Variants in COL25A1 observed in about 807,000 individuals in gnomAD.
The protein encoded by COL25A1 is collagen alpha-1(XXV) chain.
Under a neutral mutation model 128.4 loss-of-function variants are expected in COL25A1, and 103 were observed. That is an observed-to-expected ratio of 0.80 (90% CI 0.68 to 0.94). The LOEUF (loss-of-function observed/expected upper bound fraction) is 0.94. Among genes scored for constraint, COL25A1 ranks in the 40% least tolerant of loss-of-function variants. The pLI is 0.00. For missense variants in COL25A1, 745 were observed against 840.0 expected, an observed-to-expected ratio of 0.89 and a Z score of 1.40; for synonymous variants, 279 against 277.2, an observed-to-expected ratio of 1.01 and a Z score of -0.06.
Position 108,886,490 on chromosome 4 carries a change from G to GTTTTTT in COL25A1, c.976-2269_976-2268insAAAAAA, listed in dbSNP as rs201934712. Among the ~76,000 whole-genome samples the GTTTTTT allele has an allele frequency of 3.4e-3, 144 of 41,906 alleles. 1 individual carries two copies. The highest frequency in any genetic ancestry group is 9.7e-3 in the Admixed American group (35 of 3,608). 27.5% of individuals were successfully genotyped at this position (41,906 alleles called of 152,430 possible). A position where few individuals can be genotyped will look rare whatever the true frequency, so the allele number is the denominator to read the frequency against. ...TGTGTGTGTGTGTGTGTGTGTGTGT[G>GTTTTTT]TGTTTAGCTCATCAGCTATTTTATG... On this transcript the variant is annotated intron_variant, in intron 18 of 37. Coordinates refer to ENST00000399132, the MANE Select transcript of COL25A1 (RefSeq NM_198721.4).
intron 19 of COL25A1, among the ~76,000 whole-genome samples, chr4:108,871,997 T>C (rs1293316925): frequency 6.6e-6 from 1 of 152,226 alleles, no homozygotes; most frequent in Non-Finnish European, 1.5e-5. Flanking sequence ...CAAAGTGTGC[T>C]CTGGGGACCT....
intron 24 of COL25A1, among the ~76,000 whole-genome samples, chr4:108,854,773 A>AAGTGTT: frequency 1.3e-5 from 2 of 152,280 alleles, no homozygotes; most frequent in South Asian, 4.2e-4. Context: ...GGGAGTGTAA[A>AAGTGTT]CTAGTTCAAC....
At chr4:108,834,674 T>C (rs1733565665) in intron 31 of COL25A1, among the ~76,000 whole-genome samples, 1 of 152,204 alleles carries the variant, frequency 6.6e-6, no homozygotes, top group South Asian at 2.1e-4. Flanking sequence ...AAGTAGTTAC[T>C]CATAACAGTT....
At chr4:108,818,094 ATTTAT>A (rs1198761414) in intron 36 of COL25A1, among the ~76,000 whole-genome samples, 3 of 152,146 alleles carry the variant, frequency 2.0e-5, no homozygotes, top group African/African-American at 7.2e-5. Context: ...GTGTTGCAAA[ATTTAT>A]TTTAAAGTGT....
intron 3 of COL25A1, among the ~76,000 whole-genome samples, chr4:109,253,770 TA>T (rs1322989368): frequency 6.6e-6 from 1 of 152,026 alleles, no homozygotes; most frequent in East Asian, 1.9e-4. Context: ...GTTAGAAAAA[TA>T]AAATATTTCT....
intron 3 of COL25A1, among the ~76,000 whole-genome samples, chr4:109,137,094 T>C (rs1769856699): frequency 6.6e-6 from 1 of 152,152 alleles, no homozygotes; most frequent in African/African-American, 2.4e-5. Flanking sequence ...TAAATGTGAG[T>C]TGTTTCCAGT....
At chr4:109,224,412 C>T (rs1407385948) in intron 3 of COL25A1, among the ~76,000 whole-genome samples, 5 of 151,996 alleles carry the variant, frequency 3.3e-5, no homozygotes, top group East Asian at 1.9e-4. Flanking sequence ...CTTCTAAGTT[C>T]GGGCATATAT....
intron 3 of COL25A1, among the ~76,000 whole-genome samples, chr4:109,160,098 C>T (rs1033615801): frequency 9.2e-5 from 14 of 152,244 alleles, no homozygotes; most frequent in African/African-American, 3.1e-4. Context: ...CCATAAAAGA[C>T]ACCATGCTTG....
intron 3 of COL25A1, among the ~76,000 whole-genome samples, chr4:109,281,408 G>C (rs945069210): frequency 6.5e-5 from 8 of 123,234 alleles, no homozygotes; most frequent in Non-Finnish European, 1.3e-4. Context: ...CCTTAAAATG[G>C]CAAAAAAAAA....
chr4:109,202,605 C>A (rs930072188), intron 3 of COL25A1, among the ~76,000 whole-genome samples: 23 of 152,044 alleles, frequency 1.5e-4, no homozygotes, highest in African/African-American at 4.8e-4. Flanking sequence ...AAAGAAAAAA[C>A]CAAAAACTTG....
chr4:109,108,691 C>T (rs1404610574), intron 3 of COL25A1, among the ~76,000 whole-genome samples: 1 of 95,714 alleles, frequency 1.0e-5, no homozygotes, highest in Non-Finnish European at 1.9e-5. Flanking sequence ...AATAACTCCT[C>T]TCTCTTTCTC....
At chr4:109,124,974 G>A (rs561247107) in intron 3 of COL25A1, among the ~76,000 whole-genome samples, 1 of 151,844 alleles carries the variant, frequency 6.6e-6, no homozygotes, top group African/African-American at 2.4e-5. Flanking sequence ...ATTTGTCATG[G>A]TAACTTAATA....
intron 3 of COL25A1, among the ~76,000 whole-genome samples, chr4:109,116,165 C>A (rs970458631): frequency 1.3e-5 from 2 of 152,008 alleles, no homozygotes; most frequent in Non-Finnish European, 2.9e-5. Flanking sequence ...AGTAATGGGG[C>A]CCCCACACTT....
chr4:109,183,222 C>T (rs1018241386), intron 3 of COL25A1, among the ~76,000 whole-genome samples: 2 of 152,182 alleles, frequency 1.3e-5, no homozygotes, highest in Non-Finnish European at 1.5e-5. Flanking sequence ...AGCATCTCCA[C>T]CAGCATCCTG....
chr4:109,036,834 T>C (rs1473142151), intron 5 of COL25A1, among the ~76,000 whole-genome samples: 1 of 152,206 alleles, frequency 6.6e-6, no homozygotes, highest in African/African-American at 2.4e-5. Context: ...AATCCACTCT[T>C]TCAATTTTCA....
At chr4:108,964,099 ATTAAT>A (rs1751039707) in intron 8 of COL25A1, among the ~76,000 whole-genome samples, 1 of 149,532 alleles carries the variant, frequency 6.7e-6, no homozygotes, top group African/African-American at 2.5e-5. Context: ...ATTAAATTAA[ATTAAT>A]AAATTAATAA....
Position 109,179,317 on chromosome 4 carries a change from C to A in COL25A1, c.367+121266G>T, listed in dbSNP as rs180964570. Among the ~76,000 whole-genome samples, 367 of 152,340 alleles carry A rather than the reference C, an allele frequency of 2.4e-3. 2 individuals carry two copies. Among genetic ancestry groups the A allele is most frequent in the Admixed American group, 4.1e-3 (63 of 15,308 alleles). On this transcript the variant is annotated intron_variant, in intron 3 of 37. Coordinates refer to ENST00000399132, the MANE Select transcript of COL25A1 (RefSeq NM_198721.4). Reference sequence around the variant, plus strand: ...CCTCCCCCCACTGCACCTGACACAACAGCTGTTTGGGCAGCTCCCACCAGA... The same window carrying A: ...CCTCCCCCCACTGCACCTGACACAAAAGCTGTTTGGGCAGCTCCCACCAGA...
intron 3 of COL25A1, among the ~76,000 whole-genome samples, chr4:109,129,783 TTATAGATTG>T (rs1401378985): frequency 6.6e-6 from 1 of 152,122 alleles, no homozygotes; most frequent in Non-Finnish European, 1.5e-5. Context: ...AACTAAGAAG[TTATAGATTG>T]TATAGATTTG....
intron 19 of COL25A1, among the ~76,000 whole-genome samples, chr4:108,879,240 T>G (rs1370289188): frequency 6.6e-6 from 1 of 152,216 alleles, no homozygotes; most frequent in African/African-American, 2.4e-5. Context: ...GTCCCCAAGT[T>G]CTTGATCTTA....
Sources: allele counts gnomAD v4.1 joint callset (sites outside exome capture counted in the v4.1 genomes callset), GRCh38; gene constraint gnomAD v4.1.1; transcripts MANE v1.5; gene names NCBI Gene and HGNC (gene_info 2026-07-23, HGNC 2026-07-21).